The following PTPRK variants were observed in gnomAD, a reference collection of about 807,000 sequenced individuals.
The protein encoded by PTPRK is receptor-type tyrosine-protein phosphatase kappa.
Under a neutral mutation model 178.0 loss-of-function variants are expected in PTPRK, and 75 were observed. The observed-to-expected ratio is 0.42, with a 90% CI of 0.35 to 0.51. The LOEUF is 0.51. Among genes scored for constraint, PTPRK ranks in the 20% least tolerant of loss-of-function variants. The pLI, the probability that PTPRK is intolerant of heterozygous loss-of-function variation, is 0.02. For synonymous variants in PTPRK, 637 were observed against 620.6 expected, an observed-to-expected ratio of 1.03 and a Z score of -0.39; for missense variants, 1,441 against 1,797.8, an observed-to-expected ratio of 0.80 and a Z score of 3.59.
intron 1 of PTPRK, among the ~76,000 whole-genome samples, chr6:128,442,994 C>G (rs959336309): frequency 6.6e-5 from 10 of 151,912 alleles, no homozygotes; most frequent in African/African-American, 2.4e-4. Flanking sequence ...TTCATCAGAA[C>G]TGTAAAGTTC....
intron 15 of PTPRK, among the ~76,000 whole-genome samples, chr6:128,001,863 T>A (rs921443190): frequency 1.3e-5 from 2 of 151,946 alleles, no homozygotes; most frequent in African/African-American, 4.8e-5. Flanking sequence ...AATATTTTAA[T>A]TGAAATTTAT....
intron 1 of PTPRK, among the ~76,000 whole-genome samples, chr6:128,463,500 C>A (rs896819648): frequency 6.6e-6 from 1 of 152,124 alleles, no homozygotes; most frequent in African/African-American, 2.4e-5. Context: ...CTTGATGCCA[C>A]ATCTATCCAA....
intron 2 of PTPRK, among the ~76,000 whole-genome samples, chr6:128,369,432 A>G (rs1024180863): frequency 2.0e-5 from 3 of 152,154 alleles, no homozygotes; most frequent in Non-Finnish European, 4.4e-5. Context: ...AATATATCAG[A>G]TCCTGGTCTG....
intron 7 of PTPRK, among the ~76,000 whole-genome samples, chr6:128,109,714 T>C (rs1051708026): frequency 2.0e-5 from 3 of 152,158 alleles, no homozygotes; most frequent in Admixed American, 6.6e-5. Context: ...GCTAAATCTA[T>C]TGACTTTTTC....
At chr6:128,131,267 C>A (rs6935188) in intron 7 of PTPRK, among the ~76,000 whole-genome samples, 14,283 of 152,190 alleles carry the variant, frequency 0.094, 1,168 homozygotes, top group African/African-American at 0.21. Context: ...AAATCTTCCA[C>A]ATACAAGCTG....
intron 10 of PTPRK, among the ~76,000 whole-genome samples, chr6:128,080,206 A>G (rs367712399): frequency 6.6e-6 from 1 of 152,038 alleles, no homozygotes; most frequent in Admixed American, 6.6e-5. Flanking sequence ...ATGAAAGGGC[A>G]TGGTACGTTT....
chr6:128,003,274 A>G (rs774845215), intron 15 of PTPRK: 1 of 1,535,956 alleles, frequency 6.5e-7, no homozygotes. Context: ...ATTGCTCTAA[A>G]ATTGTTTTTT....
At chr6:128,069,367 G>T (rs543110372) in intron 11 of PTPRK, among the ~76,000 whole-genome samples, 1 of 152,208 alleles carries the variant, frequency 6.6e-6, no homozygotes, top group South Asian at 2.1e-4. Context: ...CAAGTTGGTT[G>T]CTAAGCTTCT....
At chr6:128,127,835 T>C (rs1381391458) in intron 7 of PTPRK, among the ~76,000 whole-genome samples, 1 of 152,256 alleles carries the variant, frequency 6.6e-6, no homozygotes, top group Admixed American at 6.5e-5. Flanking sequence ...TAAGCAGCAG[T>C]TAAATTTTCT....
At chr6:128,210,640 T>C (rs1404784516) in intron 6 of PTPRK, among the ~76,000 whole-genome samples, 3 of 151,872 alleles carry the variant, frequency 2.0e-5, no homozygotes, top group Non-Finnish European at 2.9e-5. Context: ...AAGAACAAAT[T>C]TGGAGTGGCA....
Position 128,008,493 on chromosome 6 carries a change from C to T in PTPRK, c.2333+637G>A, listed in dbSNP as rs538634332. On this transcript the variant is annotated intron_variant, in intron 14 of 29. Coordinates refer to ENST00000368226, the MANE Select transcript of PTPRK (RefSeq NM_002844.4). ...TATAAAAACTGTGTACTTTGAAATG[C>T]TTTTCATCAGGAATATACTTTGGTC... Among the ~76,000 whole-genome samples, 10 of 151,000 alleles carry T rather than the reference C, an allele frequency of 6.6e-5. No individual in the cohort carries two copies. In the East Asian group the frequency reaches 1.8e-3, roughly 26 times the overall value.
chr6:128,205,777 CAAAAAAAAAAAAAAAAAA>C (rs57003128), intron 6 of PTPRK, among the ~76,000 whole-genome samples: 3 of 15,230 alleles, frequency 2.0e-4, no homozygotes, highest in African/African-American at 7.2e-4. Context: ...CATCACAGAC[CAAAAAAAAAAAAAAAAAA>C]AAAAAAAAAA....
chr6:127,992,816 A>G, intron 18 of PTPRK, 107 bp from the exon 19 acceptor site: 1 of 919,022 alleles, frequency 1.1e-6, no homozygotes. Flanking sequence ...AAGTTATAAT[A>G]AAAAGTCCAG....
intron 3 of PTPRK, among the ~76,000 whole-genome samples, chr6:128,316,458 T>A (rs1320248136): frequency 6.6e-6 from 1 of 152,182 alleles, no homozygotes; most frequent in Non-Finnish European, 1.5e-5. Flanking sequence ...CTGTGGCAGC[T>A]GCCACCACCC....
At chr6:128,155,369 T>C (rs555136251) in intron 7 of PTPRK, among the ~76,000 whole-genome samples, 10 of 151,914 alleles carry the variant, frequency 6.6e-5, no homozygotes, top group Admixed American at 5.9e-4. Flanking sequence ...ATTATAATTC[T>C]ACCATTTTGT....
intron 7 of PTPRK, among the ~76,000 whole-genome samples, chr6:128,152,865 G>A (rs909001045): frequency 9.2e-5 from 14 of 152,058 alleles, no homozygotes; most frequent in South Asian, 4.1e-4. Context: ...AGCAACTTGC[G>A]GAAGAAGAGT....
At chr6:128,166,569 T>TA (rs1301511072) in intron 7 of PTPRK, among the ~76,000 whole-genome samples, 1 of 151,722 alleles carries the variant, frequency 6.6e-6, no homozygotes, top group Non-Finnish European at 1.5e-5. Context: ...ATATTATAAA[T>TA]AATAAATACT....
intron 6 of PTPRK, among the ~76,000 whole-genome samples, chr6:128,218,212 G>A (rs117765672): frequency 0.011 from 1,625 of 152,140 alleles, 13 homozygotes; most frequent in Middle Eastern, 0.02. Context: ...GCTCCATGTG[G>A]GTAGGGACAT....
intron 5 of PTPRK, chr6:128,237,977 C>A (rs1208796768): frequency 7.0e-6 from 3 of 430,198 alleles, no homozygotes; most frequent in African/African-American, 2.1e-5. Flanking sequence ...TTGAAAACAC[C>A]CTTAGTAATT....
Sources: gnomAD v4.1 joint callset for allele counts (sites outside exome capture counted in the v4.1 genomes callset) on GRCh38, gnomAD v4.1.1 for gene constraint, MANE v1.5 for transcripts, NCBI Gene and HGNC (gene_info 2026-07-23, HGNC 2026-07-21) for gene names.